C5AR2: variants seen among roughly 807,000 people sequenced by gnomAD.
C5AR2 encodes the protein complement C5a receptor 2.
For synonymous variants in C5AR2, 224 were observed against 216.5 expected (o/e 1.03, Z -0.30); for missense variants, 458 against 467.5 (o/e 0.98, Z 0.19).
At position 47,341,344 on chromosome 19, in the gene C5AR2, C is replaced by T; in HGVS notation, c.545C>T (p.Ala182Val). Residue 182 changes from alanine (A) to valine (V), a missense_variant, in exon 2 of 2, where the codon GCC (alanine) becomes GTC (valine). Ala to Val is a moderately conservative substitution (Grantham distance 64, BLOSUM62 0). Coordinates refer to ENST00000595464, the MANE Select transcript of C5AR2 (RefSeq NM_001271749.2). This position sits in a 1 kb window ranked among gnomAD's most constrained non-coding sequence, Gnocchi z 4.6. ...YRRLHQEHFP[A>V]RLQCVVDYGG... is the part of the protein sequence containing the mutation. ...CGGCTGCACCAGGAGCACTTCCCAG[C>T]CCGGCTGCAGTGTGTGGTGGACTAC... is the stretch of plus-strand genomic sequence containing the variant. The T allele has an allele frequency of 1.2e-6, 2 of 1,612,128 alleles. No homozygotes were observed. The highest frequency in any genetic ancestry group is 8.5e-7 in the Non-Finnish European group (1 of 1,179,902).
In C5AR2 at chr19:47,334,301, C is replaced by T. The variant is rs566402417; in HGVS notation, c.-16+1952C>T. Reference sequence around the variant, plus strand: ...TTTAAAAGCTAGATATAAGTACAGACGCTCTTTGACTTACAATGGGGTCCC... The same window carrying T: ...TTTAAAAGCTAGATATAAGTACAGATGCTCTTTGACTTACAATGGGGTCCC... On this transcript the variant is annotated intron_variant, in intron 1 of 1. Transcript: ENST00000595464. Among the ~76,000 whole-genome samples the T allele has an allele frequency of 4.8e-4, 73 of 152,060 alleles. 1 individual carries two copies. The South Asian group carries it at 0.013, about 28-fold the overall frequency.
At chr19:47,332,815 A>C (rs1301598657) in intron 1 of C5AR2, among the ~76,000 whole-genome samples, 1 of 151,964 alleles carries the variant, frequency 6.6e-6, no homozygotes. Flanking sequence ...TGGCCTCCCA[A>C]AGTGCTGGGA....
intron 1 of C5AR2, among the ~76,000 whole-genome samples, chr19:47,336,367 G>A (rs990644466): frequency 5.3e-5 from 8 of 152,022 alleles, no homozygotes; most frequent in Admixed American, 2.0e-4. Flanking sequence ...TGGGATTACA[G>A]GTGTGAGCCA....
intron 1 of C5AR2, among the ~76,000 whole-genome samples, chr19:47,337,771 A>G (rs1206428830): frequency 1.3e-5 from 2 of 151,548 alleles, no homozygotes; most frequent in African/African-American, 4.9e-5. Context: ...TCAGACAGTT[A>G]TTATAAGGTT....
intron 1 of C5AR2, among the ~76,000 whole-genome samples, chr19:47,338,197 G>A (rs1485838323): frequency 6.6e-6 from 1 of 151,964 alleles, no homozygotes; most frequent in Non-Finnish European, 1.5e-5. Context: ...GATCACTTGA[G>A]CACAGAGTTT....
rs149042545 is a variant in C5AR2, at chr19:47,341,266, G to C, written c.467G>C (p.Gly156Ala). 1.7e-4 allele frequency: 265 copies of C among 1,604,622 alleles called. No individual in the cohort carries two copies. In the African/African-American group the frequency reaches 3.3e-3, roughly 20 times the overall value. ...GCGTGCGGGGTGCAGGTGGCCTGTG[G>C]GGCAGCCTGGACACTGGCCTTGCTG... is the stretch of plus-strand genomic sequence containing the variant. ...QRACGVQVAC[G>A]AAWTLALLLT... Residue 156 changes from glycine to alanine, a missense_variant, in exon 2 of 2, where the codon GGG becomes GCG. Physicochemically the swap from Gly to Ala is moderately conservative, Grantham distance 60. Coordinates refer to ENST00000595464, the MANE Select transcript of C5AR2 (RefSeq NM_001271749.2). The surrounding 1 kb of genome is among the most constrained non-coding windows in gnomAD (Gnocchi z 4.6).
At position 47,341,936 on chromosome 19, in the gene C5AR2, C is replaced by A; in HGVS notation, c.*123C>A. On this transcript the variant is annotated 3_prime_UTR_variant, in exon 2 of 2. Coordinates refer to ENST00000595464, the MANE Select transcript of C5AR2 (RefSeq NM_001271749.2). This position sits in a 1 kb window ranked among gnomAD's most constrained non-coding sequence, Gnocchi z 4.6. ...ATTCCTTCCTTCATTCAACAGATAT[C>A]CATCATGCACTTGCTATGTGCAAGG... 1.0e-6 allele frequency: 1 copy of A among 963,568 alleles called. No homozygotes were observed. Among genetic ancestry groups the A allele is most frequent in the Non-Finnish European group, 1.6e-6 (1 of 642,820 alleles). The allele number at this position is 963,568 out of a possible 1,614,324, so 59.7% of individuals were successfully genotyped here. A position where few individuals can be genotyped will look rare whatever the true frequency, so the allele number is the denominator to read the frequency against.
chr19:47,337,624 T>C (rs2059363433), intron 1 of C5AR2, among the ~76,000 whole-genome samples: 1 of 151,828 alleles, frequency 6.6e-6, no homozygotes. Context: ...ATTGCGTCAC[T>C]GCACTCCAGC....
Position 47,341,705 on chromosome 19 carries a change from A to C in C5AR2, c.906A>C (p.Ser302=). The C allele has an allele frequency of 1.2e-6, 2 of 1,613,988 alleles. No individual in the cohort carries two copies. Among genetic ancestry groups the C allele is most frequent in the Non-Finnish European group, 1.7e-6 (2 of 1,180,034 alleles). Residue 302 remains serine (S), a synonymous_variant, in exon 2 of 2, where the codon TCA becomes TCC. Coordinates refer to ENST00000595464, the MANE Select transcript of C5AR2 (RefSeq NM_001271749.2). The surrounding 1 kb of genome is among the most constrained non-coding windows in gnomAD (Gnocchi z 4.6). The stretch of plus-strand genomic sequence containing the variant: ...TTGGGAGGGCTCAACTCCGCCGGTC[A>C]CTGCCAGCTGCCTGTCACTGGGCCC... ...LYFGRAQLRR[S]LPAACHWALR...
chr19:47,347,024 T>C lies in C5AR2; in HGVS notation c.*5211T>C, dbSNP rs1481585540. On this transcript the variant is annotated 3_prime_UTR_variant, in exon 2 of 2. Coordinates refer to ENST00000595464, the MANE Select transcript of C5AR2 (RefSeq NM_001271749.2). ...ACTGGAATACATTTCACGGGAATTT[T>C]CAAATTTAAGTCTGTGCAATGTTAC... 6.6e-6 allele frequency: 1 copy of C among 152,242 alleles called. No individual in the cohort carries two copies. Among genetic ancestry groups the C allele is most frequent in the Non-Finnish European group, 1.5e-5 (1 of 68,042 alleles). 9.4% of individuals were successfully genotyped at this position (152,242 alleles called of 1,614,324 possible).
In C5AR2 at chr19:47,341,794, T is replaced by C. The variant is rs971673684; in HGVS notation, c.995T>C (p.Val332Ala). The change falls in exon 2 of 2, where the codon GTC becomes GCC. Residue 332 changes from valine to alanine, a missense_variant. Coordinates refer to ENST00000595464, the MANE Select transcript of C5AR2 (RefSeq NM_001271749.2). This position sits in a 1 kb window ranked among gnomAD's most constrained non-coding sequence, Gnocchi z 4.6. ...DSKKSTSHDL[V>A]SEMEV Reference sequence around the variant, plus strand: ...AAGAAATCCACCAGCCATGACCTGGTCTCGGAGATGGAGGTGTAGGCTGGA... The same window carrying C: ...AAGAAATCCACCAGCCATGACCTGGCCTCGGAGATGGAGGTGTAGGCTGGA... 6.2e-6 allele frequency: 10 copies of C among 1,613,452 alleles called. No homozygotes were observed. Among genetic ancestry groups the C allele is most frequent in the Non-Finnish European group, 8.5e-6 (10 of 1,179,926 alleles).
Position 47,347,321 on chromosome 19 carries a change from TGG to T in C5AR2, c.*5509_*5510del, listed in dbSNP as rs1341873756. 22 of 135,998 alleles carry T rather than the reference TGG, an allele frequency of 1.6e-4. No individual in the cohort carries two copies. Among genetic ancestry groups the T allele is most frequent in the African/African-American group, 6.1e-4 (22 of 36,156 alleles). The allele number at this position is 135,998 out of a possible 1,614,324, so 8.4% of individuals were successfully genotyped here. A position where few individuals can be genotyped will look rare whatever the true frequency, so the allele number is the denominator to read the frequency against. On this transcript the variant is annotated 3_prime_UTR_variant, in exon 2 of 2. Coordinates refer to ENST00000595464, the MANE Select transcript of C5AR2 (RefSeq NM_001271749.2). ...TTTTTTAAAAATTATAATTATTGTT[TGG>T]ATTATTTATTTATTTATTTATTTGT...
chr19:47,339,332 T>G (rs1894298836), intron 1 of C5AR2, among the ~76,000 whole-genome samples: 1 of 151,974 alleles, frequency 6.6e-6, no homozygotes, highest in African/African-American at 2.4e-5. Flanking sequence ...TTTTTCTTTT[T>G]TTGAGATGGA....
chr19:47,335,026 A>G (rs1204287219), intron 1 of C5AR2, among the ~76,000 whole-genome samples: 1 of 149,480 alleles, frequency 6.7e-6, no homozygotes, highest in Non-Finnish European at 1.5e-5. Context: ...CTGAGATTAC[A>G]GGCACTCGCC....
At position 47,344,080 on chromosome 19, in the gene C5AR2, G is replaced by C. The variant is rs908837475; in HGVS notation, c.*2267G>C. ...TGGTAGGCCAGGCATGGTGGCTCAC[G>C]CCTGTGATCCCAGCACTTTCGGAGG... On this transcript the variant is annotated 3_prime_UTR_variant, in exon 2 of 2. Transcript: ENST00000595464. The C allele has an allele frequency of 6.6e-6, 1 of 152,048 alleles. No homozygotes were observed. Among genetic ancestry groups the C allele is most frequent in the Non-Finnish European group, 1.5e-5 (1 of 68,044 alleles). The allele number at this position is 152,048 out of a possible 1,614,324, so 9.4% of individuals were successfully genotyped here.
Position 47,342,730 on chromosome 19 carries a change from G to T in C5AR2, c.*917G>T. The T allele has an allele frequency of 6.6e-6, 1 of 152,464 alleles. No homozygotes were observed. The highest frequency in any genetic ancestry group is 1.5e-5 in the Non-Finnish European group (1 of 68,282). 9.4% of individuals were successfully genotyped at this position (152,464 alleles called of 1,614,324 possible). The stretch of plus-strand genomic sequence containing the variant: ...GGTTGCTGGTGGAGGTGAGAGTATG[G>T]TGTAGGGGCAGTGAAGATCCCAGAG... On this transcript the variant is annotated 3_prime_UTR_variant, in exon 2 of 2. Transcript: ENST00000595464.
chr19:47,333,255 T>C (rs1421290867), intron 1 of C5AR2, among the ~76,000 whole-genome samples: 1 of 152,164 alleles, frequency 6.6e-6, no homozygotes, highest in Non-Finnish European at 1.5e-5. Context: ...TCCACCTACC[T>C]TGGCCTCCCA....
chr19:47,341,853 T>C lies in C5AR2; in HGVS notation c.*40T>C, dbSNP rs1312152276. ...GTGGGTGTGTATCTTCTTATCTCATTTCACAAGACTGGCTTCAGGCATAGC... is the reference window on the plus strand; with the variant it reads ...GTGGGTGTGTATCTTCTTATCTCATCTCACAAGACTGGCTTCAGGCATAGC... On this transcript the variant is annotated 3_prime_UTR_variant, in exon 2 of 2. Transcript: ENST00000595464. This position sits in a 1 kb window ranked among gnomAD's most constrained non-coding sequence, Gnocchi z 4.6. 1 of 1,574,290 alleles carries C rather than the reference T, an allele frequency of 6.4e-7. No homozygotes were observed. The highest frequency in any genetic ancestry group is 1.1e-5 in the South Asian group (1 of 89,182).
chr19:47,335,770 T>TTAAAAAAA (rs1292561661), intron 1 of C5AR2, among the ~76,000 whole-genome samples: 3 of 364 alleles, frequency 8.2e-3, no homozygotes, highest in Non-Finnish European at 0.02. Flanking sequence ...ATACTCCGTC[T>TTAAAAAAA]CAAAAAAAAA....
Sources: allele counts gnomAD v4.1 joint callset (sites outside exome capture counted in the v4.1 genomes callset), GRCh38; gene constraint gnomAD v4.1.1; non-coding constraint Gnocchi (gnomAD v3.1); transcripts MANE v1.5; gene names NCBI Gene and HGNC (gene_info 2026-07-23, HGNC 2026-07-21).